Variants in PVT1 observed in about 807,000 individuals in gnomAD.
PVT1 encodes Pvt1 oncogene, also known as CXCR4/PVT1 fusion.
At chr8:127,804,887 A>G (rs1396255558) in intron 2 of PVT1, among the ~76,000 whole-genome samples, 3 of 146,144 alleles carry the variant, frequency 2.1e-5, no homozygotes, top group Non-Finnish European at 4.5e-5. Context: ...TGCTATTAGG[A>G]CACAGGCATT....
intron 4 of PVT1, among the ~76,000 whole-genome samples, chr8:128,042,147 G>A (rs59600398): frequency 0.024 from 3,592 of 151,148 alleles, 145 homozygotes; most frequent in African/African-American, 0.083. Context: ...CAAGGGACAG[G>A]GTCATTTGAA....
In PVT1 at chr8:127,860,764, C is replaced by CAAA. The variant is rs1224612475; in HGVS notation, n.373-29807_373-29805dup. ...TGGGTGACAGAGCAAGACCCAATCT[C>CAAA]AAAAAAAAAAAAAAAAAAAAGGAGA... On this transcript the variant is annotated intron_variant and non_coding_transcript_variant, in intron 2 of 10. Coordinates refer to ENST00000651587, the Ensembl canonical transcript of PVT1. Among the ~76,000 whole-genome samples, 14 of 63,176 alleles carry CAAA rather than the reference C, an allele frequency of 2.2e-4. No individual in the cohort carries two copies. In the East Asian group the frequency reaches 5.1e-3, roughly 23 times the overall value. 41.4% of individuals were successfully genotyped at this position (63,176 alleles called of 152,430 possible).
At chr8:127,940,660 G>A (rs1334090457) in intron 3 of PVT1, among the ~76,000 whole-genome samples, 1 of 152,010 alleles carries the variant, frequency 6.6e-6, no homozygotes. Flanking sequence ...TGGAGTGCAT[G>A]GTGTGATCCT....
chr8:127,811,370 T>C (rs1420163962), intron 2 of PVT1, among the ~76,000 whole-genome samples: 1 of 152,200 alleles, frequency 6.6e-6, no homozygotes, highest in Non-Finnish European at 1.5e-5. Context: ...GGCCAGCAGT[T>C]TGCAGCTCCT....
chr8:127,831,066 A>G (rs4733795), intron 2 of PVT1, among the ~76,000 whole-genome samples: 13,306 of 43,208 alleles, frequency 0.31, 1,621 homozygotes, highest in African/African-American at 0.5. Flanking sequence ...GTGTGTGTGT[A>G]TATATATATA....
intron 4 of PVT1, among the ~76,000 whole-genome samples, chr8:128,003,450 A>G (rs1027043288): frequency 6.6e-6 from 1 of 151,616 alleles, no homozygotes; most frequent in Non-Finnish European, 1.5e-5. Context: ...GGCTGAAATG[A>G]TCCTCTCTCC....
At chr8:128,044,949 G>A (rs1032471369) in intron 4 of PVT1, among the ~76,000 whole-genome samples, 30 of 152,314 alleles carry the variant, frequency 2.0e-4, no homozygotes, top group African/African-American at 7.0e-4. Context: ...ATACACTACT[G>A]TAAGGTACAT....
chr8:127,966,970 C>T (rs1162586789), intron 3 of PVT1, among the ~76,000 whole-genome samples: 1 of 152,150 alleles, frequency 6.6e-6, no homozygotes, highest in African/African-American at 2.4e-5. Context: ...GGTTTGCTGG[C>T]TGAGATGGGT....
At chr8:127,890,125 G>C (rs946059627) in intron 2 of PVT1, among the ~76,000 whole-genome samples, 1 of 152,154 alleles carries the variant, frequency 6.6e-6, no homozygotes, top group Non-Finnish European at 1.5e-5. Context: ...AGTCAGGCCA[G>C]GGTTTTGTGG....
intron 3 of PVT1, among the ~76,000 whole-genome samples, chr8:127,959,412 C>G (rs1816610870): frequency 6.6e-6 from 1 of 151,978 alleles, no homozygotes; most frequent in Admixed American, 6.5e-5. Context: ...TGGTGAAAAC[C>G]CATCTCTACT....
chr8:127,843,580 C>A (rs1016395318), intron 2 of PVT1, among the ~76,000 whole-genome samples: 1 of 151,866 alleles, frequency 6.6e-6, no homozygotes, highest in Non-Finnish European at 1.5e-5. Flanking sequence ...GTAGCTGGGA[C>A]TACAGGCGCC....
chr8:127,887,254 A>G (rs1734750896), intron 2 of PVT1, among the ~76,000 whole-genome samples: 1 of 152,198 alleles, frequency 6.6e-6, no homozygotes, highest in Non-Finnish European at 1.5e-5. Flanking sequence ...TTAGCCACTC[A>G]CATGTTGCAG....
intron 2 of PVT1, among the ~76,000 whole-genome samples, chr8:127,834,070 C>G (rs900357798): frequency 6.6e-5 from 10 of 152,120 alleles, no homozygotes; most frequent in Non-Finnish European, 1.5e-4. Flanking sequence ...ATATCTTCTA[C>G]TTGGGCCCTC....
chr8:128,084,751 G>A (rs2130157814), intron 5 of PVT1, among the ~76,000 whole-genome samples: 1 of 152,336 alleles, frequency 6.6e-6, no homozygotes, highest in East Asian at 1.9e-4. Context: ...TTCCCAGAAA[G>A]CTCTAGATAT....
At chr8:127,821,289 T>C (rs951638257) in intron 2 of PVT1, among the ~76,000 whole-genome samples, 6 of 152,166 alleles carry the variant, frequency 3.9e-5, no homozygotes, top group Non-Finnish European at 8.8e-5. Flanking sequence ...CATGTGGCTA[T>C]TGAGCAGTCG....
At chr8:128,080,764 G>C (rs1351654877) in intron 5 of PVT1, among the ~76,000 whole-genome samples, 2 of 152,066 alleles carry the variant, frequency 1.3e-5, no homozygotes, top group African/African-American at 4.8e-5. Context: ...CTTTGGTGTT[G>C]TATCTAAAAA....
intron 5 of PVT1, among the ~76,000 whole-genome samples, chr8:128,090,066 A>G (rs1320485337): frequency 1.3e-5 from 2 of 152,332 alleles, no homozygotes; most frequent in African/African-American, 2.4e-5. Context: ...ATTCAGTTCT[A>G]TGCATAGGCC....
intron 2 of PVT1, among the ~76,000 whole-genome samples, chr8:127,834,904 T>C (rs1389544924): frequency 1.3e-5 from 2 of 152,194 alleles, no homozygotes; most frequent in Non-Finnish European, 2.9e-5. Flanking sequence ...AGATACCATC[T>C]CATGCCAGTT....
rs1206885082 is a variant in PVT1 at position 128,009,040 on chromosome 8, C to G, written n.912+19749C>G. 1.7e-5 allele frequency: 7 copies of G among 411,416 alleles called. No homozygotes were observed. In the East Asian group the frequency reaches 3.6e-4, roughly 21 times the overall value. 25.5% of individuals were successfully genotyped at this position (411,416 alleles called of 1,614,324 possible). On this transcript the variant is annotated intron_variant and non_coding_transcript_variant, in intron 4 of 10. Transcript: ENST00000651587. Reference sequence around the variant, plus strand: ...GCTGAACTAACATTAATACCTATCACTGTTTTATCAAGTGACATAATCAAG... The same window carrying G: ...GCTGAACTAACATTAATACCTATCAGTGTTTTATCAAGTGACATAATCAAG...
Sources: allele counts gnomAD v4.1 joint callset (sites outside exome capture counted in the v4.1 genomes callset), GRCh38; gene constraint gnomAD v4.1.1; transcripts MANE v1.5; gene names NCBI Gene and HGNC (gene_info 2026-07-23, HGNC 2026-07-21).